The following FRMD5 variants were observed in gnomAD, a reference collection of about 807,000 sequenced individuals.
FRMD5 encodes FERM domain-containing protein 5.
FRMD5 carries 20 observed loss-of-function variants against 69.0 expected under a neutral mutation model. The observed-to-expected ratio is 0.29, with a 90% CI of 0.20 to 0.42. The LOEUF is 0.42. Ranked by LOEUF, FRMD5 falls within the 10% of genes least tolerant of loss-of-function variation. FRMD5 has a pLI of 1.00. For missense variants in FRMD5, 595 were observed against 708.6 expected (o/e 0.84, Z 1.82); for synonymous variants, 271 against 260.1 (o/e 1.04, Z -0.40).
intron 1 of FRMD5, among the ~76,000 whole-genome samples, chr15:44,113,210 G>A (rs1354480765): frequency 6.6e-6 from 1 of 152,204 alleles, no homozygotes; most frequent in Non-Finnish European, 1.5e-5. Flanking sequence ...TGCTTTCCCG[G>A]TAGGAGCAAA....
intron 1 of FRMD5, among the ~76,000 whole-genome samples, chr15:44,132,317 A>G (rs372873975): frequency 2.0e-5 from 3 of 152,334 alleles, no homozygotes; most frequent in East Asian, 3.9e-4. Context: ...GCACCAGTCC[A>G]TGGCCCGTGG....
chr15:44,194,961 T>C lies in FRMD5; in HGVS notation c.94A>G (p.Thr32Ala), dbSNP rs762923310. 3.9e-6 allele frequency: 6 copies of C among 1,534,070 alleles called. No homozygotes were observed. The Admixed American group carries it at 9.7e-5, about 25-fold the overall frequency. ...RLLDDSEYTC[T>A]IQRDAKGQYL... ...GGCGGCGCGGCGCTGACCTGGATGG[T>C]GCAGGTGTACTCGCTGTCGTCCAGC... Residue 32 changes from threonine to alanine, a missense_variant, in exon 1 of 14, where the codon ACC becomes GCC. Thr to Ala is a moderately conservative substitution (Grantham distance 58). This residue lies in a region of FRMD5 where 79 missense variants were observed against 139.9 expected (regional missense o/e 0.56). Transcript: ENST00000417257.
intron 13 of FRMD5, chr15:43,879,486 G>C (rs2088463481): frequency 7.5e-6 from 3 of 398,930 alleles, no homozygotes; most frequent in Non-Finnish European, 1.3e-5. Flanking sequence ...CAAAACAGGA[G>C]AGCCTTTTTT....
chr15:44,069,375 C>T (rs549391086), intron 1 of FRMD5, among the ~76,000 whole-genome samples: 86 of 152,194 alleles, frequency 5.7e-4, no homozygotes, highest in Non-Finnish European at 9.9e-4. Context: ...AACCTTTACA[C>T]AAATGTTCAT....
At chr15:44,143,191 C>G (rs1275806916) in intron 1 of FRMD5, among the ~76,000 whole-genome samples, 3 of 152,112 alleles carry the variant, frequency 2.0e-5, no homozygotes, top group Non-Finnish European at 4.4e-5. Flanking sequence ...GGGCACCTAT[C>G]CCACCTAATC....
In FRMD5 at chr15:43,986,048, A is replaced by T. The variant is rs1889379015; in HGVS notation, c.103-61739T>A. On this transcript the variant is annotated intron_variant, in intron 1 of 13. Coordinates refer to ENST00000417257, the MANE Select transcript of FRMD5 (RefSeq NM_032892.5). ...TCAGTCCCCAAACAACAGGGTTGAA[A>T]TTTCAGTTGCCATGGTTTATTAACT... Among the ~76,000 whole-genome samples, 4 of 152,222 alleles carry T rather than the reference A, an allele frequency of 2.6e-5. No individual in the cohort carries two copies. The South Asian group carries it at 6.2e-4, about 24-fold the overall frequency.
At chr15:44,177,720 T>C (rs2077923462) in intron 1 of FRMD5, among the ~76,000 whole-genome samples, 2 of 152,146 alleles carry the variant, frequency 1.3e-5, no homozygotes, top group African/African-American at 4.8e-5. Context: ...GGTATGTAAA[T>C]TGTATCTCAA....
intron 1 of FRMD5, among the ~76,000 whole-genome samples, chr15:44,005,970 C>T (rs1566893919): frequency 6.6e-6 from 1 of 152,210 alleles, no homozygotes; most frequent in Non-Finnish European, 1.5e-5. Context: ...TACCTGAGAT[C>T]ACTTATGAAG....
At chr15:43,908,560 C>T (rs1236969042) in intron 5 of FRMD5, among the ~76,000 whole-genome samples, 2 of 152,134 alleles carry the variant, frequency 1.3e-5, no homozygotes, top group Non-Finnish European at 2.9e-5. Flanking sequence ...CCAGGATTTC[C>T]AACTAAGAGT....
At chr15:44,155,436 A>AG (rs1320076471) in intron 1 of FRMD5, among the ~76,000 whole-genome samples, 11 of 152,086 alleles carry the variant, frequency 7.2e-5, no homozygotes, top group Non-Finnish European at 1.3e-4. Context: ...GTCTCAAAAA[A>AG]GAAAAAAAGA....
chr15:43,919,055 T>C, intron 4 of FRMD5: 1 of 321,838 alleles, frequency 3.1e-6, no homozygotes, highest in Non-Finnish European at 6.2e-6. Context: ...TTCAGTGTTA[T>C]GCCTTTGGCA....
intron 1 of FRMD5, among the ~76,000 whole-genome samples, chr15:44,124,871 G>A (rs886559785): frequency 1.3e-5 from 2 of 152,124 alleles, no homozygotes; most frequent in African/African-American, 4.8e-5. Flanking sequence ...GAAGCCAGGC[G>A]TGGTGGATTG....
chr15:44,176,768 T>C lies in FRMD5; in HGVS notation c.102+18185A>G, dbSNP rs141508909. ...AAGATATACAAATGGCCAGTAAACA[T>C]ACGAAAAGATGCTCAACATATTTAG... On this transcript the variant is annotated intron_variant, in intron 1 of 13. Transcript: ENST00000417257. Among the ~76,000 whole-genome samples the C allele has an allele frequency of 4.1e-3, 618 of 152,128 alleles. 5 individuals are homozygous for C. The highest frequency in any genetic ancestry group is 0.014 in the African/African-American group (578 of 41,536).
At chr15:43,980,423 G>A (rs565871579) in intron 1 of FRMD5, among the ~76,000 whole-genome samples, 51 of 152,278 alleles carry the variant, frequency 3.3e-4, no homozygotes, top group African/African-American at 1.1e-3. Context: ...CCTCCATTAA[G>A]CCTTCAAACA....
intron 1 of FRMD5, among the ~76,000 whole-genome samples, chr15:43,967,178 C>G (rs2090307739): frequency 6.6e-6 from 1 of 151,216 alleles, no homozygotes; most frequent in Non-Finnish European, 1.5e-5. Flanking sequence ...ACAGCACTTT[C>G]AGAAATATAT....
At chr15:43,909,298 G>T (rs1300974596) in intron 5 of FRMD5, among the ~76,000 whole-genome samples, 1 of 151,734 alleles carries the variant, frequency 6.6e-6, no homozygotes, top group Non-Finnish European at 1.5e-5. Flanking sequence ...TACTCAGGAG[G>T]CTGAGACAGA....
rs142461722 is a variant in FRMD5, at chr15:44,009,670, C to T, written c.103-85361G>A. On this transcript the variant is annotated intron_variant, in intron 1 of 13. Coordinates refer to ENST00000417257, the MANE Select transcript of FRMD5 (RefSeq NM_032892.5). Reference sequence around the variant, plus strand: ...CTCTAGCCTAAGTGACAGAGTGAGACTGTGTTTGAAAAAAAAATCCACTTT... The same window carrying T: ...CTCTAGCCTAAGTGACAGAGTGAGATTGTGTTTGAAAAAAAAATCCACTTT... 9.0e-3 allele frequency among the ~76,000 whole-genome samples: 1,362 copies of T among 151,910 alleles called. 6 individuals are homozygous for T. Among genetic ancestry groups the T allele is most frequent in the South Asian group, 0.029 (137 of 4,790 alleles).
intron 4 of FRMD5, among the ~76,000 whole-genome samples, chr15:43,914,032 T>C (rs775151092): frequency 7.9e-5 from 12 of 152,202 alleles, no homozygotes; most frequent in Non-Finnish European, 1.6e-4. Context: ...CCATTTTTGT[T>C]TGAATGCTAG....
chr15:43,891,615 A>G (rs1402952284), intron 8 of FRMD5, among the ~76,000 whole-genome samples: 1 of 152,200 alleles, frequency 6.6e-6, no homozygotes. Flanking sequence ...GAGATGCTCC[A>G]GAACAGCCGG....
Sources: gnomAD v4.1 joint callset for allele counts (sites outside exome capture counted in the v4.1 genomes callset) on GRCh38, gnomAD v4.1.1 for gene constraint, gnomAD v4.1.1 regional missense constraint, MANE v1.5 for transcripts, NCBI Gene and HGNC (gene_info 2026-07-23, HGNC 2026-07-21) for gene names.